PDS5A: variants seen among roughly 807,000 people sequenced by gnomAD.
The protein encoded by PDS5A is PDS5 cohesin associated factor A, also known as sister chromatid cohesion protein PDS5 homolog A.
A neutral mutation model predicts 167.1 loss-of-function variants in PDS5A; 42 were observed. The observed-to-expected ratio is 0.25, with a 90% CI of 0.20 to 0.33. The LOEUF is 0.33. Among genes scored for constraint, PDS5A ranks in the 10% least tolerant of loss-of-function variants. The pLI, the probability that PDS5A is intolerant of heterozygous loss-of-function variation, is 1.00. For missense variants in PDS5A, 1,033 were observed against 1,605.9 expected (o/e 0.64, Z 6.10); for synonymous variants, 553 against 554.6 (o/e 1.00, Z 0.04).
chr4:39,890,127 C>G (rs1374009029), intron 17 of PDS5A, 122 bp downstream of exon 17: 7 of 579,880 alleles, frequency 1.2e-5, no homozygotes, highest in Non-Finnish European at 2.1e-5. Flanking sequence ...GATGTACAAC[C>G]CTGTGATTAA....
Position 39,922,672 on chromosome 4 carries a change from T to C in PDS5A, c.604A>G (p.Thr202Ala). 1 of 1,602,000 alleles carries C rather than the reference T, an allele frequency of 6.2e-7. No individual in the cohort carries two copies. Among genetic ancestry groups the C allele is most frequent in the Non-Finnish European group, 8.5e-7 (1 of 1,174,366 alleles). ...SSIIMEGDGV[T>A]QELLDSILIN... is the part of the protein sequence containing the mutation. Reference sequence around the variant, plus strand: ...AGAATGGAGTCCAATAATTCTTGAGTAACTCCATCACCTTCCATGATGATA... The same window carrying C: ...AGAATGGAGTCCAATAATTCTTGAGCAACTCCATCACCTTCCATGATGATA... Residue 202 changes from threonine to alanine, a missense_variant, in exon 6 of 33, where the codon ACT becomes GCT. This residue lies in a region of PDS5A where 388 missense variants were observed against 615.1 expected (regional missense o/e 0.63). Transcript: ENST00000303538.
At chr4:39,972,155 G>A (rs990399112) in intron 2 of PDS5A, among the ~76,000 whole-genome samples, 1 of 152,232 alleles carries the variant, frequency 6.6e-6, no homozygotes, top group Non-Finnish European at 1.5e-5. Flanking sequence ...CAGTACTTCT[G>A]ATAATCGATT....
chr4:39,960,608 G>A (rs1402685571), intron 2 of PDS5A, among the ~76,000 whole-genome samples: 2 of 151,794 alleles, frequency 1.3e-5, no homozygotes, highest in Admixed American at 6.6e-5. Flanking sequence ...GTGCAATGGT[G>A]CAATCCTAGC....
intron 2 of PDS5A, among the ~76,000 whole-genome samples, chr4:39,930,048 T>C (rs143268785): frequency 0.13 from 18,866 of 150,360 alleles, 1,344 homozygotes; most frequent in African/African-American, 0.21. Flanking sequence ...ACCCCGTCTC[T>C]ACTAAAAATA....
chr4:39,962,438 G>A (rs138468709), intron 2 of PDS5A, among the ~76,000 whole-genome samples: 236 of 152,196 alleles, frequency 1.6e-3, no homozygotes, highest in Non-Finnish European at 2.2e-4. Context: ...TTCTCACACA[G>A]AACTACTCTT....
intron 2 of PDS5A, among the ~76,000 whole-genome samples, chr4:39,949,491 T>C (rs1214422005): frequency 6.6e-6 from 1 of 151,646 alleles, no homozygotes; most frequent in Non-Finnish European, 1.5e-5. Flanking sequence ...ATGAGGGTAA[T>C]AGCTAATGGA....
At chr4:39,944,993 C>T (rs781429262) in intron 2 of PDS5A, among the ~76,000 whole-genome samples, 5 of 152,080 alleles carry the variant, frequency 3.3e-5, no homozygotes, top group Non-Finnish European at 2.9e-5. Context: ...TGCAATAGTA[C>T]TAATAGCTGC....
At chr4:39,840,761 A>G (rs1474559788) in intron 31 of PDS5A, among the ~76,000 whole-genome samples, 3 of 151,962 alleles carry the variant, frequency 2.0e-5, no homozygotes, top group Non-Finnish European at 4.4e-5. Context: ...ACAGGGTTTC[A>G]CTTCAGGTGA....
chr4:39,944,964 T>C (rs977656225), intron 2 of PDS5A, among the ~76,000 whole-genome samples: 12 of 152,202 alleles, frequency 7.9e-5, no homozygotes, highest in Non-Finnish European at 1.3e-4. Flanking sequence ...TTAAAGCCTA[T>C]TTGTTTATAG....
Position 39,838,025 on chromosome 4 carries a change from T to G in PDS5A, c.3841A>C (p.Asn1281His), listed in dbSNP as rs1203948953. ...TTTAGATCATCATTTTTGGTAGCATTGCCCTGAGATTCAGACTTGGGTCGA... is the reference window on the plus strand; with the variant it reads ...TTTAGATCATCATTTTTGGTAGCATGGCCCTGAGATTCAGACTTGGGTCGA... ...GRRPKSESQG[N>H]ATKNDDLNKP... Residue 1281 changes from asparagine to histidine, a missense_variant, in exon 32 of 33, where the codon AAT becomes CAT. Coordinates refer to ENST00000303538, the MANE Select transcript of PDS5A (RefSeq NM_001100399.2). 2 of 1,614,030 alleles carry G rather than the reference T, an allele frequency of 1.2e-6. No homozygotes were observed. Among genetic ancestry groups the G allele is most frequent in the Non-Finnish European group, 1.7e-6 (2 of 1,179,904 alleles).
intron 2 of PDS5A, among the ~76,000 whole-genome samples, chr4:39,951,625 G>A (rs1466689769): frequency 6.6e-6 from 1 of 152,176 alleles, no homozygotes; most frequent in Non-Finnish European, 1.5e-5. Context: ...ATCACGCTGG[G>A]CAAGGTGGCT....
Position 39,846,153 on chromosome 4 carries a change from C to T in PDS5A, c.3340-273G>A, listed in dbSNP as rs563717940. On this transcript the variant is annotated intron_variant, in intron 28 of 32. Transcript: ENST00000303538. ...AATAAAGCACACACATGTTTTCATA[C>T]GGTTCAATGCAGTTTATTCATTAAA... The T allele has an allele frequency of 2.3e-4, 47 of 203,638 alleles. No individual in the cohort carries two copies. The South Asian group carries it at 7.3e-3, about 32-fold the overall frequency. 12.6% of individuals were successfully genotyped at this position (203,638 alleles called of 1,614,324 possible). A position where few individuals can be genotyped will look rare whatever the true frequency, so the allele number is the denominator to read the frequency against.
At chr4:39,938,612 G>T (rs563427789) in intron 2 of PDS5A, among the ~76,000 whole-genome samples, 43 of 152,178 alleles carry the variant, frequency 2.8e-4, no homozygotes, top group Non-Finnish European at 5.0e-4. Context: ...AATGTGGTTT[G>T]TAAAAGCCAA....
At chr4:39,878,448 T>C (rs1040105322) in intron 18 of PDS5A, among the ~76,000 whole-genome samples, 6 of 151,748 alleles carry the variant, frequency 4.0e-5, no homozygotes, top group African/African-American at 1.5e-4. Context: ...ACAAAAAAAA[T>C]TAGCCAGGCA....
chr4:39,885,913 C>T (rs533902600), intron 17 of PDS5A, among the ~76,000 whole-genome samples: 1 of 152,056 alleles, frequency 6.6e-6, no homozygotes, highest in African/African-American at 2.4e-5. Flanking sequence ...TATGATCATG[C>T]CACTGTACTC....
intron 2 of PDS5A, among the ~76,000 whole-genome samples, chr4:39,949,957 G>A (rs995307183): frequency 4.6e-5 from 7 of 152,062 alleles, no homozygotes; most frequent in African/African-American, 1.7e-4. Context: ...CCAGGATGGA[G>A]TGTAATGGCA....
chr4:39,921,723 G>A (rs1724995168), intron 6 of PDS5A, among the ~76,000 whole-genome samples: 1 of 151,846 alleles, frequency 6.6e-6, no homozygotes, highest in Non-Finnish European at 1.5e-5. Flanking sequence ...CTGCACTCCA[G>A]CCTAGGTGAC....
intron 17 of PDS5A, among the ~76,000 whole-genome samples, chr4:39,886,724 A>AT (rs1341377529): frequency 6.6e-6 from 1 of 151,992 alleles, no homozygotes; most frequent in Non-Finnish European, 1.5e-5. Flanking sequence ...AAAAAAAAAA[A>AT]AATTTTTTTT....
intron 2 of PDS5A, among the ~76,000 whole-genome samples, chr4:39,935,748 A>T (rs956854927): frequency 3.9e-4 from 60 of 152,236 alleles, no homozygotes; most frequent in Admixed American, 2.6e-4. Flanking sequence ...AGATCTGAAC[A>T]GACTTAACAA....
Sources: allele counts gnomAD v4.1 joint callset (sites outside exome capture counted in the v4.1 genomes callset), GRCh38; gene constraint gnomAD v4.1.1; regional missense constraint gnomAD v4.1.1; transcripts MANE v1.5; gene names NCBI Gene and HGNC (gene_info 2026-07-23, HGNC 2026-07-21).